ADAM22: variants seen among roughly 807,000 people sequenced by gnomAD.
ADAM22 encodes the protein disintegrin and metalloproteinase domain-containing protein 22.
A neutral mutation model predicts 144.6 loss-of-function variants in ADAM22; 65 were observed. The ratio of observed to expected loss-of-function variants is 0.45; its 90% CI spans 0.37 to 0.55. The LOEUF is 0.55. ADAM22 is among the 20% of genes least tolerant of loss of function. The pLI is 0.00. For missense variants in ADAM22, 974 were observed against 1,184.9 expected (o/e 0.82, Z 2.61); for synonymous variants, 391 against 412.6 (o/e 0.95, Z 0.63).
intron 4 of ADAM22, among the ~76,000 whole-genome samples, chr7:88,083,358 G>C (rs1332945542): frequency 6.6e-6 from 1 of 151,994 alleles, no homozygotes; most frequent in Non-Finnish European, 1.5e-5. Flanking sequence ...GACTGGGGGA[G>C]GGATAGCATT....
At chr7:88,051,707 T>TA (rs953045100) in intron 3 of ADAM22, among the ~76,000 whole-genome samples, 105 of 144,780 alleles carry the variant, frequency 7.3e-4, no homozygotes, top group Non-Finnish European at 1.3e-3. Flanking sequence ...TAATAATAAA[T>TA]AAAAAAAAAA....
intron 3 of ADAM22, among the ~76,000 whole-genome samples, chr7:87,990,704 C>T (rs1000790851): frequency 6.6e-6 from 1 of 152,078 alleles, no homozygotes; most frequent in Non-Finnish European, 1.5e-5. Context: ...GCTCTGTAGC[C>T]CAGGCTGGAG....
intron 17 of ADAM22, among the ~76,000 whole-genome samples, chr7:88,146,714 A>C (rs1836564942): frequency 6.6e-6 from 1 of 152,214 alleles, no homozygotes; most frequent in Non-Finnish European, 1.5e-5. Context: ...AAGCAAACTC[A>C]GTCTCAAGGA....
chr7:88,167,453 C>T (rs980627451), intron 24 of ADAM22, among the ~76,000 whole-genome samples: 2 of 152,124 alleles, frequency 1.3e-5, no homozygotes, highest in African/African-American at 4.8e-5. Context: ...GCTTCAATCC[C>T]GCCCTGGATT....
Position 88,061,227 on chromosome 7 carries a change from C to T in ADAM22, c.324-14399C>T, listed in dbSNP as rs1646794625. On this transcript the variant is annotated intron_variant, in intron 3 of 31. Transcript: ENST00000413139. ...TTCTACGACATCTGCAGGACTTCCT[C>T]CACTGAAGTCTTTAACCCTAAACCA... Among the ~76,000 whole-genome samples the T allele has an allele frequency of 2.0e-5, 3 of 152,268 alleles. No individual in the cohort carries two copies. In the South Asian group the frequency reaches 6.2e-4, roughly 32 times the overall value.
chr7:87,965,316 C>T (rs182017837), intron 2 of ADAM22, among the ~76,000 whole-genome samples: 17 of 152,248 alleles, frequency 1.1e-4, no homozygotes, highest in Non-Finnish European at 2.2e-4. Context: ...TTAGCAGGTA[C>T]TTTGCTCTTA....
intron 14 of ADAM22, among the ~76,000 whole-genome samples, chr7:88,136,981 A>G (rs1471264161): frequency 6.6e-6 from 1 of 152,126 alleles, no homozygotes; most frequent in East Asian, 1.9e-4. Flanking sequence ...AAAGTAAAAT[A>G]CTGCATTTGT....
chr7:88,115,248 TTTTG>T (rs1827471125), intron 6 of ADAM22, among the ~76,000 whole-genome samples: 1 of 152,174 alleles, frequency 6.6e-6, no homozygotes, highest in Non-Finnish European at 1.5e-5. Flanking sequence ...AAAAAATTTC[TTTTG>T]TTTCTTTCTC....
At chr7:87,950,299 C>A (rs1272749841) in intron 2 of ADAM22, among the ~76,000 whole-genome samples, 2 of 119,626 alleles carry the variant, frequency 1.7e-5, no homozygotes, top group Non-Finnish European at 3.3e-5. Flanking sequence ...TCCCCCCACC[C>A]CACAACAGTC....
intron 4 of ADAM22, among the ~76,000 whole-genome samples, chr7:88,084,520 A>G (rs780824282): frequency 6.6e-6 from 1 of 152,166 alleles, no homozygotes; most frequent in Non-Finnish European, 1.5e-5. Flanking sequence ...CACATTGAAA[A>G]TGCTGAATTC....
intron 26 of ADAM22, among the ~76,000 whole-genome samples, chr7:88,175,933 C>T (rs902043992): frequency 2.2e-4 from 33 of 152,132 alleles, no homozygotes; most frequent in Admixed American, 1.1e-3. Context: ...AGACAAATTT[C>T]TAAATGAAGG....
intron 4 of ADAM22, among the ~76,000 whole-genome samples, chr7:88,096,559 AT>A (rs1319855944): frequency 1.3e-5 from 2 of 150,990 alleles, no homozygotes; most frequent in African/African-American, 4.8e-5. Context: ...AATTATTTAT[AT>A]TTTTAGAAAT....
At position 88,154,956 on chromosome 7, in the gene ADAM22, G is replaced by T. The variant is rs571305757; in HGVS notation, c.1788-931G>T. On this transcript the variant is annotated intron_variant, in intron 21 of 31. Coordinates refer to ENST00000413139, the MANE Select transcript of ADAM22 (RefSeq NM_001324418.2). ...AAGATATTTTAAAAATATGTTTATT[G>T]TTATCTCTACTAATAATTAAAATGT... 1.1e-3 allele frequency among the ~76,000 whole-genome samples: 163 copies of T among 151,838 alleles called. 1 individual carries two copies. Among genetic ancestry groups the T allele is most frequent in the Non-Finnish European group, 1.8e-3 (125 of 67,926 alleles).
rs1849254763 is a variant in ADAM22 at position 88,189,985 on chromosome 7, A to G, written c.2751-3131A>G. Among the ~76,000 whole-genome samples the G allele has an allele frequency of 2.0e-5, 3 of 152,058 alleles. No homozygotes were observed. The South Asian group carries it at 6.2e-4, about 32-fold the overall frequency. On this transcript the variant is annotated intron_variant, in intron 30 of 31. Coordinates refer to ENST00000413139, the MANE Select transcript of ADAM22 (RefSeq NM_001324418.2). ...TAAAATAACAAATTCTCCTGGATCA[A>G]CCTACTATAAAACTCACATATGAAC...
intron 25 of ADAM22, among the ~76,000 whole-genome samples, chr7:88,170,979 C>A (rs190062620): frequency 1.2e-4 from 18 of 151,918 alleles, no homozygotes; most frequent in Admixed American, 4.6e-4. Context: ...GAAGCTTCAG[C>A]GAGTAAGTAG....
chr7:88,028,038 G>A (rs1159441331), intron 3 of ADAM22, among the ~76,000 whole-genome samples: 6 of 152,132 alleles, frequency 3.9e-5, no homozygotes, highest in African/African-American at 1.4e-4. Context: ...GCCTGCCACA[G>A]CTTCCCAAAG....
chr7:88,108,643 C>G (rs1316975272), intron 5 of ADAM22, among the ~76,000 whole-genome samples: 1 of 151,910 alleles, frequency 6.6e-6, no homozygotes, highest in Non-Finnish European at 1.5e-5. Context: ...GCAGGAGAAT[C>G]ACTTGAACCT....
rs570521993 is a variant in ADAM22, at chr7:88,099,923, A to T, written c.391-8253A>T. Among the ~76,000 whole-genome samples the T allele has an allele frequency of 1.9e-3, 293 of 152,242 alleles. 3 individuals are homozygous for T. The highest frequency in any genetic ancestry group is 6.5e-3 in the African/African-American group (269 of 41,552). On this transcript the variant is annotated intron_variant, in intron 4 of 31. Coordinates refer to ENST00000413139, the MANE Select transcript of ADAM22 (RefSeq NM_001324418.2). The stretch of plus-strand genomic sequence containing the variant: ...TACTATTACTATTGCTACCAATTTT[A>T]AAAAAATGAACCTAACCACTAATGC...
chr7:88,177,143 A>G (rs1295187275), intron 26 of ADAM22, among the ~76,000 whole-genome samples: 1 of 152,240 alleles, frequency 6.6e-6, no homozygotes, highest in Non-Finnish European at 1.5e-5. Context: ...GTAGTGATAA[A>G]TGGGATTTGT....
Sources: gnomAD v4.1 joint callset for allele counts (sites outside exome capture counted in the v4.1 genomes callset) on GRCh38, gnomAD v4.1.1 for gene constraint, MANE v1.5 for transcripts, NCBI Gene and HGNC (gene_info 2026-07-23, HGNC 2026-07-21) for gene names.